TMC1: variants seen among roughly 807,000 people sequenced by gnomAD.
The protein encoded by TMC1 is transmembrane channel-like protein 1.
Under a neutral mutation model 105.8 loss-of-function variants are expected in TMC1, and 84 were observed. The ratio of observed to expected loss-of-function variants is 0.79; its 90% CI spans 0.67 to 0.95. TMC1 has a LOEUF of 0.95. Ranked by LOEUF, TMC1 falls within the 40% of genes least tolerant of loss-of-function variation. TMC1 has a pLI of 0.00. For missense variants in TMC1, 817 were observed against 914.1 expected (o/e 0.89, Z 1.37); for synonymous variants, 315 against 311.5 (o/e 1.01, Z -0.12).
intron 5 of TMC1, among the ~76,000 whole-genome samples, chr9:72,673,511 A>G (rs1276392554): frequency 6.6e-6 from 1 of 152,186 alleles, no homozygotes. Context: ...TTCATACTGT[A>G]TATGTAGCAC....
chr9:72,796,430 C>T (rs1828369975), intron 17 of TMC1, among the ~76,000 whole-genome samples: 1 of 152,080 alleles, frequency 6.6e-6, no homozygotes, highest in African/African-American at 2.4e-5. Context: ...AAAAAGAAAT[C>T]TTCAGGCCAA....
intron 19 of TMC1, among the ~76,000 whole-genome samples, chr9:72,819,890 A>T (rs1564576285): frequency 6.6e-6 from 1 of 152,208 alleles, no homozygotes; most frequent in Non-Finnish European, 1.5e-5. Context: ...GAAATAATAA[A>T]TTGCTATTTA....
intron 1 of TMC1, among the ~76,000 whole-genome samples, chr9:72,575,241 C>T (rs923545186): frequency 5.9e-5 from 9 of 152,036 alleles, no homozygotes; most frequent in Admixed American, 4.6e-4. Context: ...GAGTGCAATG[C>T]GTGATCTCGG....
At chr9:72,541,227 G>A (rs1823670528) in intron 1 of TMC1, among the ~76,000 whole-genome samples, 2 of 152,196 alleles carry the variant, frequency 1.3e-5, no homozygotes, top group South Asian at 4.1e-4. Flanking sequence ...ACACCAACCA[G>A]TGTTATCACT....
intron 2 of TMC1, among the ~76,000 whole-genome samples, chr9:72,603,247 A>G (rs924649523): frequency 6.6e-6 from 1 of 152,082 alleles, no homozygotes; most frequent in African/African-American, 2.4e-5. Flanking sequence ...GAAGGCCCAA[A>G]CTACAACTTC....
intron 4 of TMC1, among the ~76,000 whole-genome samples, chr9:72,630,922 G>A (rs1044082355): frequency 6.7e-6 from 1 of 150,122 alleles, no homozygotes; most frequent in African/African-American, 2.5e-5. Context: ...AGGCTGGAGT[G>A]CAGTGGAACG....
intron 7 of TMC1, among the ~76,000 whole-genome samples, chr9:72,697,990 A>C (rs1422511680): frequency 2.0e-5 from 3 of 152,122 alleles, no homozygotes; most frequent in African/African-American, 7.2e-5. Context: ...TAATTAAAAC[A>C]CATCTTTACC....
At position 72,835,935 on chromosome 9, in the gene TMC1, T is replaced by TTTTTTTTTTGAACAG; in HGVS notation, c.2261-16_2261-15insTTTTTTTTTGAACAG. The TTTTTTTTTTGAACAG allele has an allele frequency of 1.3e-6, 2 of 1,545,882 alleles. No individual in the cohort carries two copies. Among genetic ancestry groups the TTTTTTTTTTGAACAG allele is most frequent in the Non-Finnish European group, 8.7e-7 (1 of 1,150,154 alleles). ...TCCTTGTTTTTTTTTTTTTTTTTTT[T>TTTTTTTTTTGAACAG]CTGTTTTGTGAACAGCTGCAGCTGC... is the stretch of plus-strand genomic sequence containing the variant. On this transcript the variant is annotated splice_polypyrimidine_tract_variant and intron_variant, in intron 23 of 23. Coordinates refer to ENST00000297784, the MANE Select transcript of TMC1 (RefSeq NM_138691.3).
chr9:72,720,748 G>T (rs998565979), intron 8 of TMC1, among the ~76,000 whole-genome samples: 6 of 152,182 alleles, frequency 3.9e-5, no homozygotes, highest in African/African-American at 1.2e-4. Flanking sequence ...AGGTATCTCA[G>T]TCCCAAAGTG....
chr9:72,615,072 T>C (rs978217298), intron 2 of TMC1, among the ~76,000 whole-genome samples: 5 of 152,192 alleles, frequency 3.3e-5, no homozygotes, highest in African/African-American at 1.2e-4. Context: ...ATAATTGAAA[T>C]ATTAAACCAA....
chr9:72,688,596 A>C (rs1188986064), intron 5 of TMC1, 113 bp from the exon 6 acceptor site: 12 of 1,022,094 alleles, frequency 1.2e-5, no homozygotes, highest in Non-Finnish European at 1.8e-5. Context: ...TTTATGGAAA[A>C]ATTGTATTAA....
chr9:72,699,980 A>G (rs2117864587), intron 7 of TMC1, among the ~76,000 whole-genome samples: 1 of 129,986 alleles, frequency 7.7e-6, no homozygotes, highest in African/African-American at 3.0e-5. Context: ...AAAAAAAAAA[A>G]GCCCGGCTTA....
chr9:72,601,877 A>G (rs1017434873), intron 2 of TMC1, among the ~76,000 whole-genome samples: 1 of 152,190 alleles, frequency 6.6e-6, no homozygotes, highest in Non-Finnish European at 1.5e-5. Context: ...TGGGACCAGA[A>G]GTATTTCAGA....
intron 5 of TMC1, among the ~76,000 whole-genome samples, chr9:72,659,255 T>A (rs1825932840): frequency 6.6e-6 from 1 of 152,196 alleles, no homozygotes; most frequent in African/African-American, 2.4e-5. Flanking sequence ...AGGTGGTTCC[T>A]GCAACTGAAA....
At chr9:72,583,485 A>C (rs1053398169) in intron 2 of TMC1, among the ~76,000 whole-genome samples, 1 of 152,202 alleles carries the variant, frequency 6.6e-6, no homozygotes, top group Admixed American at 6.5e-5. Context: ...CCAAAACAAA[A>C]AAATTGTGCA....
chr9:72,553,869 C>G (rs7859633), intron 1 of TMC1, among the ~76,000 whole-genome samples: 87,522 of 151,916 alleles, frequency 0.58, 26,969 homozygotes, highest in African/African-American at 0.81. Context: ...TTTCTTGAAA[C>G]TGCCTAAGTA....
chr9:72,696,408 A>G (rs1180560430), intron 7 of TMC1, among the ~76,000 whole-genome samples: 1 of 152,204 alleles, frequency 6.6e-6, no homozygotes, highest in Non-Finnish European at 1.5e-5. Flanking sequence ...TAGTATCAGA[A>G]ATTAGTTGTG....
chr9:72,708,773 T>C (rs1238275730), intron 8 of TMC1, among the ~76,000 whole-genome samples: 4 of 152,122 alleles, frequency 2.6e-5, no homozygotes, highest in Admixed American at 6.6e-5. Flanking sequence ...TCGTGTCTGA[T>C]TGGTCTGGCT....
intron 8 of TMC1, among the ~76,000 whole-genome samples, chr9:72,731,178 C>G (rs1288671681): frequency 6.6e-6 from 1 of 152,222 alleles, no homozygotes; most frequent in Non-Finnish European, 1.5e-5. Context: ...ATTCAATTAG[C>G]ATATGTTGAA....
Sources: allele counts gnomAD v4.1 joint callset (sites outside exome capture counted in the v4.1 genomes callset), GRCh38; gene constraint gnomAD v4.1.1; transcripts MANE v1.5; gene names NCBI Gene and HGNC (gene_info 2026-07-23, HGNC 2026-07-21).